MICAL2: variants seen among roughly 807,000 people sequenced by gnomAD.
MICAL2 encodes [F-actin]-monooxygenase MICAL2.
Under a neutral mutation model 127.3 loss-of-function variants are expected in MICAL2, and 77 were observed. That is an observed-to-expected ratio of 0.60 (90% CI 0.50 to 0.73). MICAL2 has a LOEUF of 0.73. Among genes scored for constraint, MICAL2 ranks in the 30% least tolerant of loss-of-function variants. MICAL2 has a pLI of 0.00. For synonymous variants in MICAL2, 570 were observed against 551.1 expected (o/e 1.03, Z -0.48); for missense variants, 1,351 against 1,434.4 (o/e 0.94, Z 0.94).
intron 3 of MICAL2, among the ~76,000 whole-genome samples, chr11:12,196,790 GCTCTTTCTTTCTCTTTCT>G (rs1449084294): frequency 3.9e-5 from 6 of 152,086 alleles, no homozygotes; most frequent in East Asian, 1.9e-4. Context: ...CCACGATCTG[GCTCTTTCTTTCTCTTTCT>G]CTCTTTCTTT....
Position 12,260,359 on chromosome 11 carries a change from G to A in MICAL2, c.3334+462G>A, listed in dbSNP as rs974279368. On this transcript the variant is annotated intron_variant, in intron 26 of 27. Transcript: ENST00000683283. ...GGGTGAACATCTACTCACGGTGCTA[G>A]GGCCAGGGATGATATGAAGGATCTT... 4 of 1,310,098 alleles carry A rather than the reference G, an allele frequency of 3.1e-6. No individual in the cohort carries two copies. In the South Asian group the frequency reaches 1.0e-4, roughly 33 times the overall value. The allele number at this position is 1,310,098 out of a possible 1,614,324, so 81.2% of individuals were successfully genotyped here.
At chr11:12,186,344 AG>A (rs1356107211) in intron 3 of MICAL2, among the ~76,000 whole-genome samples, 2 of 152,304 alleles carry the variant, frequency 1.3e-5, no homozygotes, top group East Asian at 3.9e-4. Context: ...ACCCTTTAAA[AG>A]TAGGTCCATA....
chr11:12,319,631 A>G, intron 29 of MICAL2: 2 of 1,167,700 alleles, frequency 1.7e-6, no homozygotes, highest in Admixed American at 3.4e-5. Flanking sequence ...AGGAAGCAGC[A>G]GCTTTGGTTC....
intron 1 of MICAL2, among the ~76,000 whole-genome samples, chr11:12,120,297 C>T (rs761261881): frequency 1.3e-5 from 2 of 152,170 alleles, no homozygotes; most frequent in Non-Finnish European, 2.9e-5. Flanking sequence ...AGGGCTGAAC[C>T]TTAAGAGGAT....
At chr11:12,216,184 A>G (rs1856127777) in intron 7 of MICAL2, 35 bp from the exon 8 acceptor site, 5 of 1,483,770 alleles carry the variant, frequency 3.4e-6, no homozygotes, top group Non-Finnish European at 4.7e-6. Flanking sequence ...GTGCCGAGGA[A>G]GTAACACTGA....
chr11:12,116,452 C>A (rs1016649803), intron 1 of MICAL2, among the ~76,000 whole-genome samples: 1 of 150,720 alleles, frequency 6.6e-6, no homozygotes, highest in African/African-American at 2.4e-5. Context: ...CAAAGTTCCA[C>A]GCTCCAGTGG....
chr11:12,116,323 T>C (rs1172725730), intron 1 of MICAL2, among the ~76,000 whole-genome samples: 1 of 150,412 alleles, frequency 6.6e-6, no homozygotes, highest in Admixed American at 6.7e-5. Context: ...TCAAATGAAA[T>C]TTTTCTAATG....
At chr11:12,345,802 G>A (rs572798190) in intron 32 of MICAL2, among the ~76,000 whole-genome samples, 3 of 151,592 alleles carry the variant, frequency 2.0e-5, no homozygotes, top group Middle Eastern at 3.4e-3. Context: ...AGGTGTGAGA[G>A]AGAGGGTCTC....
Position 12,195,965 on chromosome 11 carries a change from T to G in MICAL2, c.265-8285T>G, listed in dbSNP as rs1489794687. On this transcript the variant is annotated intron_variant, in intron 3 of 27. Coordinates refer to ENST00000683283, the MANE Select transcript of MICAL2 (RefSeq NM_001282663.2). ...CAGGCAGACATGAAACGATGTGAGC[T>G]ACGAGTGAGTGACATGATCTGACTT... is the stretch of plus-strand genomic sequence containing the variant. 32 of 153,164 alleles carry G rather than the reference T, an allele frequency of 2.1e-4. No individual in the cohort carries two copies. The Admixed American group carries it at 2.1e-3, about 10-fold the overall frequency. 9.5% of individuals were successfully genotyped at this position (153,164 alleles called of 1,614,324 possible). A position where few individuals can be genotyped will look rare whatever the true frequency, so the allele number is the denominator to read the frequency against.
chr11:12,158,729 T>C (rs1854462042), intron 2 of MICAL2, among the ~76,000 whole-genome samples: 1 of 152,226 alleles, frequency 6.6e-6, no homozygotes, highest in Admixed American at 6.5e-5. Context: ...GGTATCTGCA[T>C]GGGATCCTGA....
chr11:12,291,913 A>G (rs1353655546), downstream of MICAL2, among the ~76,000 whole-genome samples: 1 of 152,142 alleles, frequency 6.6e-6, no homozygotes, highest in Non-Finnish European at 1.5e-5. Context: ...TCTGAAACAC[A>G]ATGGTTATTA....
intron 2 of MICAL2, among the ~76,000 whole-genome samples, chr11:12,159,111 C>T (rs7479027): frequency 0.059 from 8,952 of 152,160 alleles, 604 homozygotes; most frequent in African/African-American, 0.16. Context: ...CCTTATCTCA[C>T]TCTAGATAAG....
At chr11:12,168,838 G>A (rs1025078411) in intron 3 of MICAL2, among the ~76,000 whole-genome samples, 5 of 151,502 alleles carry the variant, frequency 3.3e-5, no homozygotes, top group East Asian at 1.9e-4. Context: ...TCCCAGCTAC[G>A]TGGGAGGCTG....
downstream of MICAL2, among the ~76,000 whole-genome samples, chr11:12,287,771 C>G (rs1281502063): frequency 6.6e-6 from 1 of 152,184 alleles, no homozygotes; most frequent in Non-Finnish European, 1.5e-5. Flanking sequence ...CACGCACAGT[C>G]TCACAGCATC....
At chr11:12,284,184 C>T (rs1262769463) in intron 2 of MICAL2, among the ~76,000 whole-genome samples, 1 of 152,062 alleles carries the variant, frequency 6.6e-6, no homozygotes, top group Non-Finnish European at 1.5e-5. Context: ...CAACCTGCCC[C>T]GAATTATTCT....
upstream of MICAL2, among the ~76,000 whole-genome samples, chr11:12,275,192 A>G (rs1244258722): frequency 6.6e-6 from 1 of 152,180 alleles, no homozygotes; most frequent in Non-Finnish European, 1.5e-5. Context: ...TATGGGCAAG[A>G]CATGTTGGGT....
chr11:12,268,934 G>A (rs1003158184), intron 24 of MICAL2, among the ~76,000 whole-genome samples: 6 of 152,134 alleles, frequency 3.9e-5, no homozygotes, highest in Admixed American at 1.3e-4. Flanking sequence ...GGGAGGCGGA[G>A]CTTGCAGTGA....
chr11:12,311,404 T>C (rs1232790290), intron 29 of MICAL2, among the ~76,000 whole-genome samples: 1 of 150,388 alleles, frequency 6.6e-6, no homozygotes, highest in Non-Finnish European at 1.5e-5. Flanking sequence ...GTTTCTTATT[T>C]ATTTTATTTT....
chr11:12,173,866 A>T (rs866560010), intron 3 of MICAL2, among the ~76,000 whole-genome samples: 4 of 152,130 alleles, frequency 2.6e-5, no homozygotes, highest in Non-Finnish European at 5.9e-5. Flanking sequence ...CATGTGTTGG[A>T]ATTTCATTCT....
Sources: allele counts gnomAD v4.1 joint callset (sites outside exome capture counted in the v4.1 genomes callset), GRCh38; gene constraint gnomAD v4.1.1; transcripts MANE v1.5; gene names NCBI Gene and HGNC (gene_info 2026-07-23, HGNC 2026-07-21).